CNTNAP2: variants seen among roughly 807,000 people sequenced by gnomAD.
CNTNAP2 encodes contactin associated protein 2.
Under a neutral mutation model 155.2 loss-of-function variants are expected in CNTNAP2, and 98 were observed. That is an observed-to-expected ratio of 0.63 (90% CI 0.54 to 0.75). The LOEUF is 0.75. Ranked by LOEUF, CNTNAP2 falls within the 30% of genes least tolerant of loss-of-function variation. CNTNAP2 has a pLI of 0.00. For synonymous variants in CNTNAP2, 651 were observed against 631.2 expected, an observed-to-expected ratio of 1.03 and a Z score of -0.47; for missense variants, 1,727 against 1,688.1, an observed-to-expected ratio of 1.02 and a Z score of -0.40.
intron 1 of CNTNAP2, among the ~76,000 whole-genome samples, chr7:146,651,351 G>A (rs1158159821): frequency 1.3e-5 from 2 of 152,128 alleles, no homozygotes; most frequent in Non-Finnish European, 2.9e-5. Flanking sequence ...AGAATAGCCT[G>A]TAACATATGA....
intron 12 of CNTNAP2, among the ~76,000 whole-genome samples, chr7:147,597,996 G>C (rs1403726274): frequency 6.6e-6 from 1 of 152,116 alleles, no homozygotes; most frequent in Admixed American, 6.5e-5. Flanking sequence ...TGGGGTTGCT[G>C]GGACCACTTA....
At chr7:146,865,444 A>C (rs2129206128) in intron 3 of CNTNAP2, among the ~76,000 whole-genome samples, 1 of 152,274 alleles carries the variant, frequency 6.6e-6, no homozygotes, top group African/African-American at 2.4e-5. Flanking sequence ...TATAGCTGTA[A>C]ATATAAATAT....
chr7:146,287,449 A>G (rs1454090661), intron 1 of CNTNAP2, among the ~76,000 whole-genome samples: 2 of 152,154 alleles, frequency 1.3e-5, no homozygotes, highest in African/African-American at 4.8e-5. Context: ...ACTTCTCCTT[A>G]GTGTTTTGAA....
intron 1 of CNTNAP2, among the ~76,000 whole-genome samples, chr7:146,297,836 A>G (rs775010468): frequency 6.6e-6 from 1 of 152,160 alleles, no homozygotes; most frequent in Non-Finnish European, 1.5e-5. Flanking sequence ...TTCCATGTTG[A>G]ATGCTACAAA....
At chr7:146,598,326 T>TA (rs912001462) in intron 1 of CNTNAP2, among the ~76,000 whole-genome samples, 1 of 151,834 alleles carries the variant, frequency 6.6e-6, no homozygotes, top group Non-Finnish European at 1.5e-5. Context: ...CAAATAAGAA[T>TA]AAAAAAAAGG....
chr7:146,755,139 T>G (rs1801973437), intron 1 of CNTNAP2, among the ~76,000 whole-genome samples: 1 of 151,958 alleles, frequency 6.6e-6, no homozygotes, highest in Non-Finnish European at 1.5e-5. Context: ...TAATTGGAAT[T>G]TGTGCCTGTA....
At chr7:146,256,764 G>A (rs1799844726) in intron 1 of CNTNAP2, among the ~76,000 whole-genome samples, 1 of 151,786 alleles carries the variant, frequency 6.6e-6, no homozygotes, top group South Asian at 2.1e-4. Context: ...CGGCAATGCA[G>A]ATATTTCCTT....
At chr7:147,058,676 G>C (rs921612598) in intron 4 of CNTNAP2, among the ~76,000 whole-genome samples, 1 of 152,190 alleles carries the variant, frequency 6.6e-6, no homozygotes, top group East Asian at 1.9e-4. Flanking sequence ...GCGTGATCTC[G>C]GCTCACTGCA....
intron 1 of CNTNAP2, among the ~76,000 whole-genome samples, chr7:146,233,824 CA>C (rs1799426561): frequency 1.3e-5 from 2 of 151,632 alleles, no homozygotes; most frequent in South Asian, 4.2e-4. Flanking sequence ...CATAGTATTC[CA>C]TGGTGTATAT....
intron 20 of CNTNAP2, among the ~76,000 whole-genome samples, chr7:148,244,672 C>G (rs573623870): frequency 6.6e-6 from 1 of 151,884 alleles, no homozygotes; most frequent in South Asian, 2.1e-4. Context: ...AAGCGATCCT[C>G]CTGCCTCAGC....
chr7:148,045,779 G>A (rs1274071279), intron 15 of CNTNAP2, among the ~76,000 whole-genome samples: 1 of 152,130 alleles, frequency 6.6e-6, no homozygotes, highest in Non-Finnish European at 1.5e-5. Flanking sequence ...CCACATAGCA[G>A]CGATACAAGG....
intron 1 of CNTNAP2, among the ~76,000 whole-genome samples, chr7:146,499,405 C>T (rs959229378): frequency 9.9e-5 from 15 of 152,208 alleles, no homozygotes; most frequent in Admixed American, 7.9e-4. Flanking sequence ...ATCTATAATT[C>T]CACTAATCTA....
rs369021880 is a variant in CNTNAP2 at position 147,994,143 on chromosome 7, G to A, written c.2383+16154G>A. Among the ~76,000 whole-genome samples the A allele has an allele frequency of 2.3e-4, 35 of 152,230 alleles. No individual in the cohort carries two copies. The South Asian group carries it at 6.6e-3, about 29-fold the overall frequency. ...CCAGCACTTTGGGAGGCCGAGGTGG[G>A]AGGATTGCTTGAGCCCCAGGAGTTT... On this transcript the variant is annotated intron_variant, in intron 15 of 23. Transcript: ENST00000361727.
intron 8 of CNTNAP2, among the ~76,000 whole-genome samples, chr7:147,181,246 C>T (rs1392754854): frequency 6.6e-6 from 1 of 152,124 alleles, no homozygotes; most frequent in African/African-American, 2.4e-5. Flanking sequence ...TCCGGGAAAA[C>T]ACATCTCCAA....
intron 1 of CNTNAP2, among the ~76,000 whole-genome samples, chr7:146,217,913 A>G (rs73739562): frequency 0.03 from 4,584 of 152,284 alleles, 233 homozygotes; most frequent in African/African-American, 0.11. Flanking sequence ...GGCTTAATAT[A>G]TGGGTGATGA....
At chr7:146,124,644 AT>A (rs1472910408) in intron 1 of CNTNAP2, among the ~76,000 whole-genome samples, 1 of 152,184 alleles carries the variant, frequency 6.6e-6, no homozygotes, top group East Asian at 1.9e-4. Context: ...TATTTGAAAC[AT>A]TTTTTGGTTC....
chr7:146,839,572 C>A, intron 2 of CNTNAP2, 139 bp from the exon 3 acceptor site: 1 of 860,190 alleles, frequency 1.2e-6, no homozygotes, highest in African/African-American at 1.7e-5. Flanking sequence ...CCAATGGCAT[C>A]TATAAAGGAT....
chr7:148,396,501 C>T (rs1014857499), intron 22 of CNTNAP2, among the ~76,000 whole-genome samples: 1 of 152,160 alleles, frequency 6.6e-6, no homozygotes, highest in Non-Finnish European at 1.5e-5. Context: ...GGTGTGAATT[C>T]TCACAGGGGA....
At chr7:147,192,520 G>A (rs903155204) in intron 8 of CNTNAP2, among the ~76,000 whole-genome samples, 1 of 151,966 alleles carries the variant, frequency 6.6e-6, no homozygotes, top group Non-Finnish European at 1.5e-5. Context: ...CACAAACTCT[G>A]GGGTACAGTC....
Sources: allele counts gnomAD v4.1 joint callset (sites outside exome capture counted in the v4.1 genomes callset), GRCh38; gene constraint gnomAD v4.1.1; transcripts MANE v1.5; gene names NCBI Gene and HGNC (gene_info 2026-07-23, HGNC 2026-07-21).